RTL4: variants seen among roughly 807,000 people sequenced by gnomAD.
RTL4 encodes the protein retrotransposon Gag like 4, also known as retrotransposon Gag-like protein 4.
Under a neutral mutation model 5.3 loss-of-function variants are expected in RTL4, and 4 were observed. The observed-to-expected ratio is 0.75, with a 90% CI of 0.37 to 1.72. RTL4 has a LOEUF of 1.72. Ranked by LOEUF, RTL4 falls within the 40% of genes most tolerant of loss-of-function variation. RTL4 has a pLI of 0.04. For synonymous variants in RTL4, 98 were observed against 87.3 expected, an observed-to-expected ratio of 1.12 and a Z score of -0.68; for missense variants, 260 against 227.1, an observed-to-expected ratio of 1.14 and a Z score of -0.93.
the RTL4 span, among the ~76,000 whole-genome samples, chrX:112,124,771 G>A: frequency 2.7e-5 from 3 of 110,597 alleles, no homozygotes; most frequent in African/African-American, 9.9e-5. Flanking sequence ...AAACCTGCAC[G>A]TTCTGCGCAC....
At chrX:112,326,136 G>C in the RTL4 span, among the ~76,000 whole-genome samples, 1 of 111,802 alleles carries the variant, frequency 8.9e-6, no homozygotes, top group Non-Finnish European at 1.9e-5. Flanking sequence ...TCATTAAAAA[G>C]TCAGGAAACA....
chrX:112,141,054 C>T, the RTL4 span, among the ~76,000 whole-genome samples: 30 of 112,045 alleles, frequency 2.7e-4, no homozygotes, highest in African/African-American at 4.9e-4. Context: ...CTCAGAAATG[C>T]AGTATGTGTT....
the RTL4 span, among the ~76,000 whole-genome samples, chrX:112,317,445 C>T: frequency 8.9e-6 from 1 of 111,920 alleles, no homozygotes; most frequent in African/African-American, 3.2e-5. Flanking sequence ...TGATGTTGAA[C>T]GACTAGTGCA....
the RTL4 span, among the ~76,000 whole-genome samples, chrX:112,102,893 A>G: frequency 8.9e-5 from 10 of 112,266 alleles, no homozygotes; most frequent in Admixed American, 9.4e-4. Context: ...ACCATCTCAC[A>G]CTAGTCAGAA....
chrX:112,250,358 GTTTTGT>G, the RTL4 span, among the ~76,000 whole-genome samples: 1 of 111,283 alleles, frequency 9.0e-6, no homozygotes, highest in Non-Finnish European at 1.9e-5. Flanking sequence ...GTTTTGTTTT[GTTTTGT>G]TTTTGTTTTG....
chrX:112,297,230 C>A, the RTL4 span, among the ~76,000 whole-genome samples: 1 of 111,337 alleles, frequency 9.0e-6, no homozygotes, highest in East Asian at 2.9e-4. Flanking sequence ...CAATTTCAAT[C>A]TTTCTTCAGT....
At chrX:112,192,896 A>G in the RTL4 span, among the ~76,000 whole-genome samples, 1 of 112,080 alleles carries the variant, frequency 8.9e-6, no homozygotes. Context: ...TCTTTCATTT[A>G]GCCTGAAGGA....
At chrX:112,150,054 C>T in the RTL4 span, among the ~76,000 whole-genome samples, 1 of 111,162 alleles carries the variant, frequency 9.0e-6, no homozygotes, top group East Asian at 2.8e-4. Flanking sequence ...TAGGCTGGAA[C>T]GTGCTTGTGT....
the RTL4 span, among the ~76,000 whole-genome samples, chrX:112,231,148 T>C: frequency 9.0e-6 from 1 of 111,187 alleles, no homozygotes; most frequent in South Asian, 3.9e-4. Context: ...AGTTCAACCA[T>C]TGTGGAAGTC....
the RTL4 span, among the ~76,000 whole-genome samples, chrX:112,133,914 T>C: frequency 8.9e-6 from 1 of 111,996 alleles, no homozygotes; most frequent in Non-Finnish European, 1.9e-5. Context: ...CATTCTGCTC[T>C]CTTGCTCAGT....
chrX:112,434,328 C>T, the RTL4 span, among the ~76,000 whole-genome samples: 2 of 109,876 alleles, frequency 1.8e-5, no homozygotes, highest in Non-Finnish European at 3.8e-5. Flanking sequence ...CTCCTTGTAC[C>T]TCTGGTAGAA....
chrX:112,351,027 C>CGTA, the RTL4 span, among the ~76,000 whole-genome samples: 1 of 111,516 alleles, frequency 9.0e-6, no homozygotes, highest in Non-Finnish European at 1.9e-5. Context: ...TCCCTCTACA[C>CGTA]ACTGCTTTGA....
At chrX:112,328,183 A>G in the RTL4 span, among the ~76,000 whole-genome samples, 2 of 110,511 alleles carry the variant, frequency 1.8e-5, no homozygotes, top group African/African-American at 6.6e-5. Context: ...AAATGGACTA[A>G]ATGCTCCAAT....
the RTL4 span, among the ~76,000 whole-genome samples, chrX:112,219,413 G>A: frequency 8.9e-6 from 1 of 112,087 alleles, no homozygotes; most frequent in Non-Finnish European, 1.9e-5. Flanking sequence ...CGGACATGTG[G>A]TTTAATAAAT....
the RTL4 span, among the ~76,000 whole-genome samples, chrX:112,115,990 G>A: frequency 8.1e-5 from 9 of 111,793 alleles, no homozygotes; most frequent in East Asian, 2.9e-4. Context: ...TTTCCTCTCC[G>A]TTGACCTTTG....
chrX:112,239,291 G>A, the RTL4 span, among the ~76,000 whole-genome samples: 2 of 110,952 alleles, frequency 1.8e-5, no homozygotes. Context: ...GGGCCTAGTG[G>A]GGAGGCGGGC....
chrX:112,359,252 A>G, the RTL4 span, among the ~76,000 whole-genome samples: 92 of 111,694 alleles, frequency 8.2e-4, no homozygotes, highest in African/African-American at 2.8e-3. Context: ...TAAATGGGGT[A>G]TCCATCATTT....
chrX:112,435,783 C>T, the RTL4 span, among the ~76,000 whole-genome samples: 2 of 112,440 alleles, frequency 1.8e-5, no homozygotes, highest in Admixed American at 9.4e-5. Context: ...TTTTAAGCTT[C>T]ATTTTTGCCT....
At chrX:112,207,529 G>T in the RTL4 span, among the ~76,000 whole-genome samples, 2 of 111,660 alleles carry the variant, frequency 1.8e-5, no homozygotes, top group East Asian at 2.8e-4. Flanking sequence ...TGAGCAGGAA[G>T]CTTTCTTTGA....
Sources: allele counts gnomAD v4.1 joint callset (sites outside exome capture counted in the v4.1 genomes callset), GRCh38; gene constraint gnomAD v4.1.1; transcripts MANE v1.5; gene names NCBI Gene and HGNC (gene_info 2026-07-23, HGNC 2026-07-21).